ENPP3: variants seen among roughly 807,000 people sequenced by gnomAD.
ENPP3 encodes ectonucleotide pyrophosphatase/phosphodiesterase 3.
In ENPP3, 104 loss-of-function variants were observed where a neutral mutation model predicts 117.8. The ratio of observed to expected loss-of-function variants is 0.88; its 90% CI spans 0.75 to 1.04. The LOEUF (loss-of-function observed/expected upper bound fraction) is 1.04, where lower values mean the gene tolerates loss of function less well. ENPP3 is among the 50% of genes least tolerant of loss of function. ENPP3 has a pLI of 0.00. For missense variants in ENPP3, 1,026 were observed against 1,051.9 expected, an observed-to-expected ratio of 0.98 and a Z score of 0.34; for synonymous variants, 380 against 349.9, an observed-to-expected ratio of 1.09 and a Z score of -0.96.
Position 131,737,455 on chromosome 6 carries a change from A to G in ENPP3, c.2167+23A>G, listed in dbSNP as rs776522656. On this transcript the variant is annotated intron_variant, in intron 22 of 24. Transcript: ENST00000357639. ...GAAGTAAGTATGAATTTAGAGTATT[A>G]ATTTTAAAATAGTTAAGTGACTCCT... The G allele has an allele frequency of 3.7e-6, 5 of 1,334,220 alleles. No homozygotes were observed. The East Asian group carries it at 1.2e-4, about 31-fold the overall frequency. The allele number at this position is 1,334,220 out of a possible 1,614,324, so 82.6% of individuals were successfully genotyped here. A position where few individuals can be genotyped will look rare whatever the true frequency, so the allele number is the denominator to read the frequency against.
intron 1 of ENPP3, chr6:131,638,513 C>A (rs1029461361): frequency 6.6e-6 from 3 of 453,014 alleles, no homozygotes; most frequent in Non-Finnish European, 1.3e-5. Flanking sequence ...AAGTGATCCT[C>A]CTGCCTCAGC....
chr6:131,671,585 G>A (rs574162339), intron 7 of ENPP3, among the ~76,000 whole-genome samples: 1 of 152,252 alleles, frequency 6.6e-6, no homozygotes, highest in African/African-American at 2.4e-5. Flanking sequence ...CCTTTGATGT[G>A]AGAAATACCA....
At chr6:131,686,593 G>C (rs1263515839) in intron 14 of ENPP3, among the ~76,000 whole-genome samples, 1 of 152,162 alleles carries the variant, frequency 6.6e-6, no homozygotes, top group African/African-American at 2.4e-5. Context: ...TGAGTCTGAG[G>C]TTTGGAATAT....
At chr6:131,653,099 T>A (rs1296902442) in intron 5 of ENPP3, among the ~76,000 whole-genome samples, 1 of 152,150 alleles carries the variant, frequency 6.6e-6, no homozygotes, top group Non-Finnish European at 1.5e-5. Context: ...TTATATTAAT[T>A]TATTATATTC....
Position 131,648,393 on chromosome 6 carries a change from A to G in ENPP3, c.155-1634A>G, listed in dbSNP as rs544961163. Among the ~76,000 whole-genome samples, 6 of 151,788 alleles carry G rather than the reference A, an allele frequency of 4.0e-5. No individual in the cohort carries two copies. In the South Asian group the frequency reaches 1.0e-3, roughly 26 times the overall value. ...GATAAGCACCTAAAATTTTTTTTGT[A>G]TATGTTGTGAGGCAAGAATATCAAG... On this transcript the variant is annotated intron_variant, in intron 2 of 24. Coordinates refer to ENST00000357639, the MANE Select transcript of ENPP3 (RefSeq NM_005021.5).
rs1778430026 is a variant in ENPP3, at chr6:131,658,397, T to C, written c.539T>C (p.Leu180Ser). 1 of 1,568,626 alleles carries C rather than the reference T, an allele frequency of 6.4e-7. No individual in the cohort carries two copies. The stretch of plus-strand genomic sequence containing the variant: ...GAATATTTATACACATGGGATACTT[T>C]AATGCCAAATATCAATAAACTGAGT... Reference protein sequence around the residue: ...RAEYLYTWDTLMPNINKLKTC... With the variant: ...RAEYLYTWDTSMPNINKLKTC... Residue 180 changes from leucine (L) to serine (S), a missense_variant, in exon 6 of 25, where the codon TTA becomes TCA. Coordinates refer to ENST00000357639, the MANE Select transcript of ENPP3 (RefSeq NM_005021.5).
chr6:131,648,836 A>G (rs971473827), intron 2 of ENPP3, among the ~76,000 whole-genome samples: 1 of 152,222 alleles, frequency 6.6e-6, no homozygotes, highest in Non-Finnish European at 1.5e-5. Context: ...CACTCCTCGC[A>G]CAATAAGAAC....
chr6:131,644,676 C>A (rs568561292), intron 2 of ENPP3, among the ~76,000 whole-genome samples: 1 of 152,216 alleles, frequency 6.6e-6, no homozygotes, highest in Admixed American at 6.5e-5. Context: ...GATGTCCAAG[C>A]GCAGAAGTCA....
intron 2 of ENPP3, among the ~76,000 whole-genome samples, chr6:131,646,272 CTCTG>C (rs2114298973): frequency 1.6e-5 from 2 of 125,098 alleles, no homozygotes; most frequent in African/African-American, 8.2e-5. Context: ...GCTCTCAATA[CTCTG>C]TGTGTGTGTG....
chr6:131,744,838 T>A (rs1283797617), intron 24 of ENPP3, among the ~76,000 whole-genome samples: 1 of 149,084 alleles, frequency 6.7e-6, no homozygotes, highest in Non-Finnish European at 1.5e-5. Flanking sequence ...CACACACATA[T>A]AAATATCAAA....
chr6:131,662,618 A>G (rs1778526947), intron 6 of ENPP3, among the ~76,000 whole-genome samples: 1 of 152,170 alleles, frequency 6.6e-6, no homozygotes, highest in Non-Finnish European at 1.5e-5. Flanking sequence ...GATTTTTAAT[A>G]TATTTTGAAA....
At chr6:131,723,969 A>G in intron 18 of ENPP3, 71 bp from the exon 19 acceptor site, 4 of 1,076,366 alleles carry the variant, frequency 3.7e-6, no homozygotes, top group Non-Finnish European at 5.7e-6. Context: ...AACAATCTTG[A>G]TTACCCCTTA....
At chr6:131,642,001 C>G (rs1396471259) in intron 2 of ENPP3, among the ~76,000 whole-genome samples, 1 of 151,552 alleles carries the variant, frequency 6.6e-6, no homozygotes, top group Non-Finnish European at 1.5e-5. Context: ...CACTACATTG[C>G]CCAGGCTGGT....
chr6:131,701,421 T>C (rs775507326), intron 15 of ENPP3: 1 of 1,597,284 alleles, frequency 6.3e-7, no homozygotes, highest in Non-Finnish European at 8.6e-7. Context: ...ACAGAGGAAA[T>C]CAAGTTAATG....
At chr6:131,683,307 T>C in intron 12 of ENPP3, 145 bp downstream of exon 12, 1 of 580,144 alleles carries the variant, frequency 1.7e-6, no homozygotes, top group Non-Finnish European at 3.0e-6. Flanking sequence ...TGTGGTAGAA[T>C]GTGATGAAAA....
intron 15 of ENPP3, among the ~76,000 whole-genome samples, chr6:131,716,410 A>G (rs116585638): frequency 0.014 from 2,106 of 152,230 alleles, 52 homozygotes; most frequent in African/African-American, 0.048. Flanking sequence ...AATATTTACT[A>G]TAGTTTTTAA....
rs200513651 is a variant in ENPP3 at position 131,693,581 on chromosome 6, G to C, written c.1369G>C (p.Asp457His). ...RLHYAKNVRI[D>H]KVHLFVDQQW... ...GCACTATGCCAAGAACGTCAGAATCGACAAAGTTCATCTCTTTGTGGATCA... is the reference window on the plus strand; with the variant it reads ...GCACTATGCCAAGAACGTCAGAATCCACAAAGTTCATCTCTTTGTGGATCA... The change falls in exon 15 of 25, where the codon GAC (aspartate) becomes CAC (histidine). Residue 457 changes from aspartate to histidine, a missense_variant. Asp to His is a moderately conservative substitution (Grantham distance 81). Transcript: ENST00000357639. The C allele has an allele frequency of 5.0e-6, 8 of 1,613,650 alleles. No individual in the cohort carries two copies. Among genetic ancestry groups the C allele is most frequent in the Admixed American group, 1.7e-5 (1 of 59,952 alleles).
chr6:131,637,557 AT>A, intron 1 of ENPP3, 95 bp downstream of exon 1: 1 of 674,590 alleles, frequency 1.5e-6, no homozygotes, highest in Non-Finnish European at 2.4e-6. Flanking sequence ...TGCTATTAAA[AT>A]GTAAACTTTT....
At chr6:131,667,195 GA>G (rs1453365330) in intron 6 of ENPP3, among the ~76,000 whole-genome samples, 1 of 151,950 alleles carries the variant, frequency 6.6e-6, no homozygotes, top group Non-Finnish European at 1.5e-5. Flanking sequence ...GGACTATGGT[GA>G]CTAATATGCT....
Sources: gnomAD v4.1 joint callset for allele counts (sites outside exome capture counted in the v4.1 genomes callset) on GRCh38, gnomAD v4.1.1 for gene constraint, MANE v1.5 for transcripts, NCBI Gene and HGNC (gene_info 2026-07-23, HGNC 2026-07-21) for gene names.